Variants in NRXN1 observed in about 807,000 individuals in gnomAD.
NRXN1 encodes the protein neurexin 1, also known as neurexin-1.
In NRXN1, 39 loss-of-function variants were observed where a neutral mutation model predicts 150.9. The ratio of observed to expected loss-of-function variants is 0.26; its 90% CI spans 0.20 to 0.34. NRXN1 has a LOEUF of 0.34. Among genes scored for constraint, NRXN1 ranks in the 10% least tolerant of loss-of-function variants. The pLI is 1.00. For synonymous variants in NRXN1, 924 were observed against 757.0 expected, an observed-to-expected ratio of 1.22 and a Z score of -3.62; for missense variants, 1,815 against 1,949.9, an observed-to-expected ratio of 0.93 and a Z score of 1.30.
intron 17 of NRXN1, among the ~76,000 whole-genome samples, chr2:50,454,003 C>A (rs1028715216): frequency 6.6e-6 from 1 of 152,118 alleles, no homozygotes; most frequent in Non-Finnish European, 1.5e-5. Flanking sequence ...CTTGAAATGA[C>A]AAAATATCCT....
At chr2:49,989,403 T>C (rs576808430) in intron 21 of NRXN1, among the ~76,000 whole-genome samples, 1 of 152,266 alleles carries the variant, frequency 6.6e-6, no homozygotes, top group East Asian at 1.9e-4. Flanking sequence ...ATAACAAGGC[T>C]CTAAGTGAAT....
chr2:50,234,439 A>G (rs967226683), intron 18 of NRXN1, among the ~76,000 whole-genome samples: 3 of 152,090 alleles, frequency 2.0e-5, no homozygotes, highest in Non-Finnish European at 4.4e-5. Flanking sequence ...GGTTGCAGTG[A>G]ACTGAGATTG....
chr2:50,587,013 G>T (rs1157505914), intron 8 of NRXN1, among the ~76,000 whole-genome samples: 1 of 152,052 alleles, frequency 6.6e-6, no homozygotes, highest in Non-Finnish European at 1.5e-5. Context: ...ATACTAGAAA[G>T]AATTCACAAC....
chr2:50,621,329 C>G (rs1679980647), intron 6 of NRXN1, 80 bp from the exon 7 acceptor site: 1 of 1,079,950 alleles, frequency 9.3e-7, no homozygotes, highest in African/African-American at 1.6e-5. Flanking sequence ...ATGATGGTCT[C>G]TACCATGTTA....
At chr2:50,779,116 C>T (rs1163258591) in intron 5 of NRXN1, among the ~76,000 whole-genome samples, 2 of 152,072 alleles carry the variant, frequency 1.3e-5, no homozygotes, top group Non-Finnish European at 2.9e-5. Context: ...CAGTGGTTTG[C>T]TGCACCCATT....
chr2:50,528,879 C>A (rs1372461893), intron 11 of NRXN1: 4 of 445,914 alleles, frequency 9.0e-6, no homozygotes, highest in Non-Finnish European at 1.6e-5. Flanking sequence ...AACAAAGCTA[C>A]ATGGTGACAA....
intron 15 of NRXN1, among the ~76,000 whole-genome samples, chr2:50,473,087 A>T (rs1207659164): frequency 6.6e-6 from 1 of 151,928 alleles, no homozygotes; most frequent in Non-Finnish European, 1.5e-5. Context: ...CTTCTATACT[A>T]GGCTGAAGCC....
At chr2:50,555,560 G>A (rs967198671) in intron 8 of NRXN1, among the ~76,000 whole-genome samples, 1 of 152,028 alleles carries the variant, frequency 6.6e-6, no homozygotes, top group South Asian at 2.1e-4. Flanking sequence ...GCTTTACACT[G>A]GCAAGAACCT....
At chr2:50,988,880 C>T (rs947113120) in intron 2 of NRXN1, among the ~76,000 whole-genome samples, 1 of 151,920 alleles carries the variant, frequency 6.6e-6, no homozygotes, top group Admixed American at 6.6e-5. Context: ...ATCTACTCTA[C>T]TAGGTGGTTG....
intron 17 of NRXN1, among the ~76,000 whole-genome samples, chr2:50,329,068 A>T (rs2076574662): frequency 6.6e-6 from 1 of 152,198 alleles, no homozygotes; most frequent in Admixed American, 6.5e-5. Context: ...CAATAGATTG[A>T]TTACAGGAAA....
intron 17 of NRXN1, among the ~76,000 whole-genome samples, chr2:50,454,836 AT>A (rs2087379686): frequency 6.6e-6 from 1 of 152,204 alleles, no homozygotes; most frequent in Admixed American, 6.5e-5. Flanking sequence ...ACTTATACAC[AT>A]AAAAAGACAA....
At chr2:50,630,302 A>ATTC (rs1682040590) in intron 5 of NRXN1, among the ~76,000 whole-genome samples, 1 of 151,726 alleles carries the variant, frequency 6.6e-6, no homozygotes, top group African/African-American at 2.4e-5. Flanking sequence ...GAACAAATGG[A>ATTC]TTGGTTTCAA....
chr2:50,228,922 A>C (rs2064673464), intron 18 of NRXN1, among the ~76,000 whole-genome samples: 1 of 151,934 alleles, frequency 6.6e-6, no homozygotes, highest in Non-Finnish European at 1.5e-5. Flanking sequence ...AGGAGGAGAG[A>C]GGCCTCCTCT....
chr2:50,035,080 A>G (rs2152571374), intron 21 of NRXN1, among the ~76,000 whole-genome samples: 2 of 152,280 alleles, frequency 1.3e-5, no homozygotes, highest in South Asian at 4.1e-4. Context: ...AAATGAGCAC[A>G]TTCATTGACT....
At chr2:50,864,572 TAGG>T (rs1559367092) in intron 5 of NRXN1, among the ~76,000 whole-genome samples, 1 of 152,038 alleles carries the variant, frequency 6.6e-6, no homozygotes, top group East Asian at 1.9e-4. Flanking sequence ...AATAAATTGA[TAGG>T]AGACATTTAA....
intron 17 of NRXN1, among the ~76,000 whole-genome samples, chr2:50,247,059 T>C (rs2066566208): frequency 6.6e-6 from 1 of 152,108 alleles, no homozygotes; most frequent in African/African-American, 2.4e-5. Context: ...GAAAGATTTA[T>C]TTATGTGATC....
chr2:50,699,672 G>A lies in NRXN1; in HGVS notation c.833-76057C>T, dbSNP rs150175172. Reference sequence around the variant, plus strand: ...GGGAGTGAATTTAGTCAAAAAACCCGAATGGCTTGAAGCAGACTTAGCCTC... The same window carrying A: ...GGGAGTGAATTTAGTCAAAAAACCCAAATGGCTTGAAGCAGACTTAGCCTC... On this transcript the variant is annotated intron_variant, in intron 5 of 22. Coordinates refer to ENST00000401669, the MANE Select transcript of NRXN1 (RefSeq NM_001330078.2). 3.1e-3 allele frequency among the ~76,000 whole-genome samples: 474 copies of A among 152,070 alleles called. 2 individuals are homozygous for A. The highest frequency in any genetic ancestry group is 9.4e-3 in the African/African-American group (392 of 41,484).
chr2:49,999,340 A>G (rs187073557), intron 21 of NRXN1, among the ~76,000 whole-genome samples: 1 of 152,130 alleles, frequency 6.6e-6, no homozygotes, highest in African/African-American at 2.4e-5. Context: ...CCACATAAAC[A>G]TATTTCCCTT....
At chr2:50,498,093 T>A (rs541330196) in intron 13 of NRXN1, among the ~76,000 whole-genome samples, 1 of 152,126 alleles carries the variant, frequency 6.6e-6, no homozygotes, top group Non-Finnish European at 1.5e-5. Flanking sequence ...GCAGTGACTA[T>A]TCTCAGTCAC....
Sources: allele counts gnomAD v4.1 joint callset (sites outside exome capture counted in the v4.1 genomes callset), GRCh38; gene constraint gnomAD v4.1.1; transcripts MANE v1.5; gene names NCBI Gene and HGNC (gene_info 2026-07-23, HGNC 2026-07-21).